DCAF6: variants seen among roughly 807,000 people sequenced by gnomAD.
DCAF6 encodes DDB1 and CUL4 associated factor 6.
A neutral mutation model predicts 125.1 loss-of-function variants in DCAF6; 54 were observed. The ratio of observed to expected loss-of-function variants is 0.43; its 90% CI spans 0.35 to 0.54. DCAF6 has a LOEUF of 0.54. Among genes scored for constraint, DCAF6 ranks in the 20% least tolerant of loss-of-function variants. The pLI, the probability that DCAF6 is intolerant of heterozygous loss-of-function variation, is 0.01. For missense variants in DCAF6, 934 were observed against 1,161.7 expected (o/e 0.80, Z 2.85); for synonymous variants, 371 against 390.4 (o/e 0.95, Z 0.58).
At chr1:167,993,755 AAACAACAACAAC>A (rs34875817) in intron 7 of DCAF6, among the ~76,000 whole-genome samples, 1 of 151,566 alleles carries the variant, frequency 6.6e-6, no homozygotes. Context: ...GTCTCAGAAA[AAACAACAACAAC>A]AACAACAACA....
chr1:167,898,204 G>A, the DCAF6 span, among the ~76,000 whole-genome samples: 16 of 151,612 alleles, frequency 1.1e-4, no homozygotes, highest in Non-Finnish European at 8.8e-5. Flanking sequence ...AACATTAGGG[G>A]AAGGTAGGTG....
At position 168,045,055 on chromosome 1, in the gene DCAF6, G is replaced by A; in HGVS notation, c.2086G>A (p.Ala696Thr). The change falls in exon 16 of 22, where the codon GCT (alanine) becomes ACT (threonine). Residue 696 changes from alanine (A) to threonine (T), a missense_variant. Around this residue, in one of 5 missense-constraint regions of DCAF6, gnomAD observed 559 missense variants for 635.5 expected, o/e 0.88. Transcript: ENST00000367840. ...ETSDQTSTES[A>T]TNENNTNPEP... ...TTCAGATCAGACTAGCACTGAGAGTGCTACCAATGAAAATAACACCAATCC... is the reference window on the plus strand; with the variant it reads ...TTCAGATCAGACTAGCACTGAGAGTACTACCAATGAAAATAACACCAATCC... 1.9e-6 allele frequency: 3 copies of A among 1,614,048 alleles called. No individual in the cohort carries two copies. The highest frequency in any genetic ancestry group is 2.5e-6 in the Non-Finnish European group (3 of 1,179,946).
At chr1:168,061,360 A>G (rs1295502826) in intron 17 of DCAF6, among the ~76,000 whole-genome samples, 1 of 152,238 alleles carries the variant, frequency 6.6e-6, no homozygotes, top group East Asian at 1.9e-4. Flanking sequence ...TTATGAAAGT[A>G]GAAGTATATA....
chr1:167,899,984 G>A, the DCAF6 span, among the ~76,000 whole-genome samples: 4 of 152,264 alleles, frequency 2.6e-5, no homozygotes, highest in South Asian at 8.3e-4. Flanking sequence ...TTGCATTTTA[G>A]CAGAGATTGA....
chr1:167,914,558 C>T, the DCAF6 span, among the ~76,000 whole-genome samples: 6 of 152,162 alleles, frequency 3.9e-5, no homozygotes, highest in African/African-American at 1.4e-4. Context: ...GAATTATATA[C>T]CTGCCCTTTC....
chr1:168,068,562 T>G (rs1034199778), intron 21 of DCAF6, 99 bp downstream of exon 21: 17 of 567,060 alleles, frequency 3.0e-5, no homozygotes, highest in Non-Finnish European at 4.2e-5. Flanking sequence ...TTTTTTAATA[T>G]CACAAAATGA....
chr1:167,925,534 G>T, the DCAF6 span, among the ~76,000 whole-genome samples: 1,795 of 77,370 alleles, frequency 0.023, 56 homozygotes, highest in African/African-American at 0.076. Context: ...TTTTTTTTTG[G>T]TTTTTTTTTT....
At chr1:167,962,111 A>G (rs549973343) in intron 2 of DCAF6, among the ~76,000 whole-genome samples, 22 of 152,220 alleles carry the variant, frequency 1.4e-4, no homozygotes, top group Admixed American at 4.6e-4. Flanking sequence ...TAAGGCCTCA[A>G]GTGTGGTCTG....
chr1:167,965,022 T>G (rs1279417644), intron 2 of DCAF6, among the ~76,000 whole-genome samples: 1 of 152,226 alleles, frequency 6.6e-6, no homozygotes, highest in Non-Finnish European at 1.5e-5. Context: ...GTTCCAACAG[T>G]CCTGCTATGT....
chr1:167,920,654 A>T, the DCAF6 span: 19 of 1,595,960 alleles, frequency 1.2e-5, no homozygotes, highest in Non-Finnish European at 1.6e-5. Context: ...GCATAGAAAG[A>T]AAAAAAGTAT....
At position 168,066,493 on chromosome 1, in the gene DCAF6, A is replaced by G. The variant is rs777438694; in HGVS notation, c.2685+28A>G. 5 of 1,410,214 alleles carry G rather than the reference A, an allele frequency of 3.5e-6. No homozygotes were observed. In the African/African-American group the frequency reaches 7.2e-5, roughly 20 times the overall value. 87.4% of individuals were successfully genotyped at this position (1,410,214 alleles called of 1,614,324 possible). On this transcript the variant is annotated intron_variant, in intron 20 of 21. Transcript: ENST00000367840. ...AAGATTTTTATTGTACTTACTATAGACCATATTTCAATTTGTTCCTAAAAT... is the reference window on the plus strand; with the variant it reads ...AAGATTTTTATTGTACTTACTATAGGCCATATTTCAATTTGTTCCTAAAAT...
the DCAF6 span, among the ~76,000 whole-genome samples, chr1:167,926,915 C>T: frequency 6.6e-6 from 1 of 152,162 alleles, no homozygotes; most frequent in Non-Finnish European, 1.5e-5. Context: ...AACAAAAAAA[C>T]TCCAGGTTAG....
chr1:168,066,573 C>T, intron 20 of DCAF6, 108 bp downstream of exon 20: 1 of 698,578 alleles, frequency 1.4e-6, no homozygotes, highest in Non-Finnish European at 2.4e-6. Flanking sequence ...CAAGTTAATG[C>T]AGTTAAGGAG....
At chr1:168,011,776 G>C (rs1263425496) in intron 10 of DCAF6, among the ~76,000 whole-genome samples, 1 of 152,100 alleles carries the variant, frequency 6.6e-6, no homozygotes, top group East Asian at 1.9e-4. Context: ...TCAGGAGTTT[G>C]AGACCAGCCT....
chr1:168,006,552 G>A (rs920947364), intron 10 of DCAF6, among the ~76,000 whole-genome samples: 11 of 152,090 alleles, frequency 7.2e-5, no homozygotes, highest in Admixed American at 4.6e-4. Context: ...GGAGTTCAAC[G>A]TTTCAGGAGT....
chr1:167,961,761 T>C (rs1675641144), intron 2 of DCAF6, among the ~76,000 whole-genome samples: 1 of 152,216 alleles, frequency 6.6e-6, no homozygotes, highest in Non-Finnish European at 1.5e-5. Flanking sequence ...TGTCTTTAAT[T>C]TGAAAATCTG....
chr1:167,954,776 AT>A lies in DCAF6; in HGVS notation c.159+2917del, dbSNP rs367746432. The stretch of plus-strand genomic sequence containing the variant: ...AAATTTTTGTATTTTTAAGAGCTTT[AT>A]TGAGATATGATCAGCTGTACATATT... On this transcript the variant is annotated intron_variant, in intron 2 of 21. Coordinates refer to ENST00000367840, the MANE Select transcript of DCAF6 (RefSeq NM_001198956.2). Among the ~76,000 whole-genome samples, 96 of 152,300 alleles carry A rather than the reference AT, an allele frequency of 6.3e-4. 1 individual carries two copies. In the Middle Eastern group the frequency reaches 0.024, roughly 38 times the overall value.
At chr1:168,014,399 TACTC>T in intron 10 of DCAF6, among the ~76,000 whole-genome samples, 1 of 152,332 alleles carries the variant, frequency 6.6e-6, no homozygotes, top group South Asian at 2.1e-4. Context: ...TTTTCCTTCT[TACTC>T]TTTCTAGAGG....
the DCAF6 span, chr1:167,901,829 G>A: frequency 1.2e-6 from 2 of 1,614,116 alleles, no homozygotes; most frequent in Middle Eastern, 1.6e-4. Flanking sequence ...CATGCCGCGG[G>A]CTTTTGACCT....
Sources: gnomAD v4.1 joint callset for allele counts (sites outside exome capture counted in the v4.1 genomes callset) on GRCh38, gnomAD v4.1.1 for gene constraint, gnomAD v4.1.1 regional missense constraint, MANE v1.5 for transcripts, NCBI Gene and HGNC (gene_info 2026-07-23, HGNC 2026-07-21) for gene names.